The following SLC12A2 variants were observed in gnomAD, a reference collection of about 807,000 sequenced individuals.
SLC12A2 encodes solute carrier family 12 member 2, also known as Na-K-2Cl cotransporter 1.
SLC12A2 carries 67 observed loss-of-function variants against 136.3 expected under a neutral mutation model. The ratio of observed to expected loss-of-function variants is 0.49; its 90% CI spans 0.40 to 0.60. SLC12A2 has a LOEUF of 0.60. Among genes scored for constraint, SLC12A2 ranks in the 20% least tolerant of loss-of-function variants. SLC12A2 has a pLI of 0.00. For missense variants in SLC12A2, 1,322 were observed against 1,534.7 expected (o/e 0.86, Z 2.32); for synonymous variants, 619 against 562.9 (o/e 1.10, Z -1.41).
chr5:128,099,257 AGC>A (rs1760658958), intron 1 of SLC12A2, among the ~76,000 whole-genome samples: 6 of 152,186 alleles, frequency 3.9e-5, no homozygotes, highest in Admixed American at 3.3e-4. Context: ...AAATCTGTAC[AGC>A]ATGTTACTGT....
intron 1 of SLC12A2, chr5:128,109,868 G>C (rs1761081702): frequency 1.3e-6 from 1 of 787,644 alleles, no homozygotes; most frequent in African/African-American, 1.7e-5. Flanking sequence ...TATTTTAAAA[G>C]AGCCAGTGTG....
chr5:128,085,646 G>A (rs1760074602), intron 1 of SLC12A2, among the ~76,000 whole-genome samples: 1 of 152,198 alleles, frequency 6.6e-6, no homozygotes, highest in African/African-American at 2.4e-5. Context: ...TTACAAGTGT[G>A]TAATGACTAC....
In SLC12A2 at chr5:128,084,437, G is replaced by A. The variant is rs150435168; in HGVS notation, c.483G>A (p.Gly161=). The A allele has an allele frequency of 6.2e-7, 1 of 1,612,534 alleles. No individual in the cohort carries two copies. ...SAEDSLSDAA[G]VGVDGPNVSF... ...AAGACAGCCTGTCAGATGCTGCCGG[G>A]GTCGGAGTCGACGGGCCCAACGTGA... is the stretch of plus-strand genomic sequence containing the variant. The change falls in exon 1 of 27, where the codon GGG becomes GGA. Residue 161 remains glycine (G), a synonymous_variant. Coordinates refer to ENST00000262461, the MANE Select transcript of SLC12A2 (RefSeq NM_001046.3). The surrounding 1 kb of genome is among the most constrained non-coding windows in gnomAD (Gnocchi z 5.6).
chr5:128,140,084 C>T (rs1228054256), intron 9 of SLC12A2, among the ~76,000 whole-genome samples: 3 of 152,104 alleles, frequency 2.0e-5, no homozygotes, highest in Admixed American at 6.5e-5. Context: ...CTGCAACCTC[C>T]GCCTCCCAGA....
intron 13 of SLC12A2, among the ~76,000 whole-genome samples, chr5:128,150,770 A>G (rs4836369): frequency 0.32 from 47,743 of 151,560 alleles, 9,080 homozygotes; most frequent in African/African-American, 0.53. Context: ...GTCAGCTCTT[A>G]GTTTTTCTAG....
At chr5:128,174,943 A>T (rs908646404) in intron 20 of SLC12A2, among the ~76,000 whole-genome samples, 25 of 152,164 alleles carry the variant, frequency 1.6e-4, no homozygotes, top group African/African-American at 6.0e-4. Context: ...AAAACATTTT[A>T]ATTTGAAGCA....
At chr5:128,141,448 T>C (rs1762360958) in intron 9 of SLC12A2, among the ~76,000 whole-genome samples, 2 of 152,184 alleles carry the variant, frequency 1.3e-5, no homozygotes, top group African/African-American at 4.8e-5. Context: ...TATAAAATAT[T>C]TGGAGTATAG....
At chr5:128,147,366 G>T (rs1209548488) in intron 10 of SLC12A2, among the ~76,000 whole-genome samples, 3 of 151,686 alleles carry the variant, frequency 2.0e-5, no homozygotes, top group African/African-American at 7.2e-5. Context: ...GGTGATGGAT[G>T]TTAGCAGTTC....
intron 16 of SLC12A2, among the ~76,000 whole-genome samples, chr5:128,160,810 G>C (rs920342441): frequency 2.6e-5 from 4 of 151,692 alleles, no homozygotes; most frequent in African/African-American, 9.7e-5. Context: ...TAATTGTTCT[G>C]CTTATACAGT....
At chr5:128,115,590 G>T (rs952900786) in intron 4 of SLC12A2, among the ~76,000 whole-genome samples, 1 of 152,118 alleles carries the variant, frequency 6.6e-6, no homozygotes, top group Non-Finnish European at 1.5e-5. Context: ...AAGAAGAAAA[G>T]AATTCCATTT....
At chr5:128,094,500 C>A (rs933756334) in intron 1 of SLC12A2, among the ~76,000 whole-genome samples, 13 of 151,892 alleles carry the variant, frequency 8.6e-5, no homozygotes. Flanking sequence ...GCATTCATTT[C>A]AATATCCTAC....
chr5:128,141,754 A>C, intron 9 of SLC12A2, 76 bp from the exon 10 acceptor site: 2 of 1,233,970 alleles, frequency 1.6e-6, no homozygotes, highest in Non-Finnish European at 2.2e-6. Context: ...TTCTTTATAA[A>C]TATATATATG....
rs908971017 is a variant in SLC12A2, at chr5:128,131,170, G to T, written c.1152G>T (p.Val384=). 2 of 1,613,958 alleles carry T rather than the reference G, an allele frequency of 1.2e-6. No individual in the cohort carries two copies. The highest frequency in any genetic ancestry group is 2.7e-5 in the African/African-American group (2 of 74,888). Residue 384 remains valine (V), a synonymous_variant, in exon 5 of 27, where the codon GTG becomes GTT. Coordinates refer to ENST00000262461, the MANE Select transcript of SLC12A2 (RefSeq NM_001046.3). ...ACGCTGTTGCAGTTGCTATGTATGTGGTTGGATTTGCAGAAACCGTGGTGG... is the reference window on the plus strand; with the variant it reads ...ACGCTGTTGCAGTTGCTATGTATGTTGTTGGATTTGCAGAAACCGTGGTGG... ...FANAVAVAMY[V]VGFAETVVEL...
chr5:128,109,767 C>A, intron 1 of SLC12A2: 1 of 866,566 alleles, frequency 1.2e-6, no homozygotes, highest in Non-Finnish European at 2.0e-6. Flanking sequence ...AAGGATGGGT[C>A]CTTCATGGTA....
intron 4 of SLC12A2, among the ~76,000 whole-genome samples, chr5:128,121,897 G>A (rs559114566): frequency 1.3e-5 from 2 of 152,240 alleles, no homozygotes; most frequent in South Asian, 4.1e-4. Flanking sequence ...TTGCAACTTG[G>A]ATGGTGCTGG....
rs944307640 is a variant in SLC12A2, at chr5:128,114,618, G to C, written c.985G>C (p.Val329Leu). Residue 329 changes from valine to leucine, a missense_variant, in exon 4 of 27, where the codon GTT (valine) becomes CTT (leucine). Physicochemically the swap from Val to Leu is conservative, Grantham distance 32 (BLOSUM62 1). Coordinates refer to ENST00000262461, the MANE Select transcript of SLC12A2 (RefSeq NM_001046.3). ...AGTCCTTGTAATAATGATGGCCACTGTTGTGACAACTATCACAGGATTGTC... is the reference window on the plus strand; with the variant it reads ...AGTCCTTGTAATAATGATGGCCACTCTTGTGACAACTATCACAGGATTGTC... Reference protein sequence around the residue: ...LSVLVIMMATVVTTITGLSTS... With the variant: ...LSVLVIMMATLVTTITGLSTS... The C allele has an allele frequency of 6.2e-7, 1 of 1,612,202 alleles. No homozygotes were observed. Among genetic ancestry groups the C allele is most frequent in the African/African-American group, 1.3e-5 (1 of 74,874 alleles).
chr5:128,165,287 A>G (rs1313514695), intron 17 of SLC12A2, among the ~76,000 whole-genome samples: 1 of 152,218 alleles, frequency 6.6e-6, no homozygotes, highest in African/African-American at 2.4e-5. Context: ...TTGTAAGGCA[A>G]TAGCCACCTG....
chr5:128,118,098 G>A (rs891557308), intron 4 of SLC12A2, among the ~76,000 whole-genome samples: 8 of 152,046 alleles, frequency 5.3e-5, no homozygotes, highest in Non-Finnish European at 7.4e-5. Context: ...TATGAAAAGG[G>A]AACACTTTTA....
intron 13 of SLC12A2, 65 bp from the exon 14 acceptor site, chr5:128,151,176 C>T (rs1762687483): frequency 2.1e-6 from 3 of 1,408,514 alleles, no homozygotes; most frequent in East Asian, 2.4e-5. Context: ...TTTTTGAATA[C>T]ATATGTACCA....
Sources: gnomAD v4.1 joint callset for allele counts (sites outside exome capture counted in the v4.1 genomes callset) on GRCh38, gnomAD v4.1.1 for gene constraint, Gnocchi (gnomAD v3.1) non-coding constraint, MANE v1.5 for transcripts, NCBI Gene and HGNC (gene_info 2026-07-23, HGNC 2026-07-21) for gene names.